Variants in GPC6 observed in about 807,000 individuals in gnomAD.
The protein encoded by GPC6 is glypican 6.
In GPC6, 14 loss-of-function variants were observed where a neutral mutation model predicts 55.2. That is an observed-to-expected ratio of 0.25 (90% CI 0.17 to 0.40). The LOEUF is 0.40. Among genes scored for constraint, GPC6 ranks in the 10% least tolerant of loss-of-function variants. GPC6 has a pLI of 1.00. For missense variants in GPC6, 641 were observed against 708.5 expected (o/e 0.90, Z 1.08); for synonymous variants, 278 against 259.6 (o/e 1.07, Z -0.68).
chr13:93,864,882 A>G (rs1242248621), intron 3 of GPC6, among the ~76,000 whole-genome samples: 1 of 151,740 alleles, frequency 6.6e-6, no homozygotes, highest in East Asian at 2.0e-4. Context: ...GTCACAAATG[A>G]TGCATATAGA....
chr13:94,242,104 T>C (rs113078135), intron 4 of GPC6, among the ~76,000 whole-genome samples: 3 of 151,872 alleles, frequency 2.0e-5, no homozygotes, highest in Non-Finnish European at 4.4e-5. Context: ...GTGTGTGATG[T>C]TCCCCTTCCT....
intron 2 of GPC6, among the ~76,000 whole-genome samples, chr13:93,589,040 A>G (rs1008566756): frequency 2.6e-5 from 4 of 152,102 alleles, no homozygotes; most frequent in Non-Finnish European, 5.9e-5. Flanking sequence ...AAAACCCTTA[A>G]AATACAAACT....
At chr13:93,587,052 G>C (rs568582128) in intron 2 of GPC6, among the ~76,000 whole-genome samples, 1 of 152,258 alleles carries the variant, frequency 6.6e-6, no homozygotes, top group African/African-American at 2.4e-5. Context: ...GTAGGAGGTT[G>C]CATGTACTTA....
At chr13:94,391,173 G>C (rs1880628378) in intron 7 of GPC6, among the ~76,000 whole-genome samples, 1 of 152,108 alleles carries the variant, frequency 6.6e-6, no homozygotes, top group Admixed American at 6.5e-5. Flanking sequence ...TCTCCAACTG[G>C]AAAAGAGCCA....
chr13:94,026,044 T>A (rs1882883348), intron 3 of GPC6, among the ~76,000 whole-genome samples: 1 of 152,208 alleles, frequency 6.6e-6, no homozygotes, highest in African/African-American at 2.4e-5. Context: ...TTGTACCATG[T>A]AGGAAATGTG....
chr13:93,399,061 G>GACAC (rs35212206), intron 1 of GPC6, among the ~76,000 whole-genome samples: 4,640 of 150,710 alleles, frequency 0.031, 140 homozygotes, highest in East Asian at 0.15. Flanking sequence ...CACACACACA[G>GACAC]ACACACACAC....
chr13:93,717,449 C>T lies in GPC6; in HGVS notation c.320-112705C>T, dbSNP rs557208721. Among the ~76,000 whole-genome samples, 12 of 151,554 alleles carry T rather than the reference C, an allele frequency of 7.9e-5. No individual in the cohort carries two copies. The South Asian group carries it at 2.5e-3, about 31-fold the overall frequency. On this transcript the variant is annotated intron_variant, in intron 2 of 8. Coordinates refer to ENST00000377047, the MANE Select transcript of GPC6 (RefSeq NM_005708.5). ...ATGACTTCACAGTGGGTAATCCTTA[C>T]TATTGAGTTTTCAAAAAGCAGGGGA...
At chr13:94,368,660 A>AG (rs1267117594) in intron 6 of GPC6, among the ~76,000 whole-genome samples, 1 of 152,094 alleles carries the variant, frequency 6.6e-6, no homozygotes, top group Non-Finnish European at 1.5e-5. Context: ...TCAGAAAAAA[A>AG]AAATATTCTA....
intron 1 of GPC6, among the ~76,000 whole-genome samples, chr13:93,453,874 T>C (rs1026285699): frequency 2.0e-5 from 3 of 152,046 alleles, no homozygotes; most frequent in Admixed American, 6.6e-5. Flanking sequence ...GCTTCCACAG[T>C]GTGGAAGGGG....
intron 2 of GPC6, among the ~76,000 whole-genome samples, chr13:93,731,472 G>C (rs1304363726): frequency 1.3e-5 from 2 of 152,116 alleles, no homozygotes; most frequent in African/African-American, 4.8e-5. Flanking sequence ...TAGCTTGGTG[G>C]TTCTATCTCC....
intron 1 of GPC6, among the ~76,000 whole-genome samples, chr13:93,497,868 G>A (rs572542047): frequency 6.6e-6 from 1 of 152,282 alleles, no homozygotes; most frequent in African/African-American, 2.4e-5. Flanking sequence ...CTGTCCTTGG[G>A]GAAATCTTGT....
At chr13:93,926,625 C>G (rs1209690809) in intron 3 of GPC6, among the ~76,000 whole-genome samples, 1 of 152,150 alleles carries the variant, frequency 6.6e-6, no homozygotes, top group African/African-American at 2.4e-5. Flanking sequence ...ACAAAGTAGT[C>G]TGGGTTTAAT....
intron 2 of GPC6, among the ~76,000 whole-genome samples, chr13:93,812,736 CTAA>C (rs1297510749): frequency 6.6e-6 from 1 of 152,162 alleles, no homozygotes; most frequent in Admixed American, 6.5e-5. Flanking sequence ...TCTTGAGAAA[CTAA>C]TAATAATTGG....
intron 5 of GPC6, among the ~76,000 whole-genome samples, chr13:94,288,615 G>A (rs772686640): frequency 4.7e-5 from 7 of 149,280 alleles, no homozygotes; most frequent in Non-Finnish European, 1.0e-4. Context: ...GAGTATACTT[G>A]TAGCTCCTCT....
chr13:93,857,521 C>T (rs1221326118), intron 3 of GPC6, among the ~76,000 whole-genome samples: 1 of 151,462 alleles, frequency 6.6e-6, no homozygotes, highest in Non-Finnish European at 1.5e-5. Context: ...TTGTCTTTAT[C>T]TCTGAATAAA....
chr13:94,403,246 A>C lies in GPC6; in HGVS notation c.*29A>C. The C allele has an allele frequency of 2.7e-6, 4 of 1,486,884 alleles. No individual in the cohort carries two copies. The highest frequency in any genetic ancestry group is 3.8e-6 in the Non-Finnish European group (4 of 1,066,410). 92.1% of individuals were successfully genotyped at this position (1,486,884 alleles called of 1,614,324 possible). On this transcript the variant is annotated 3_prime_UTR_variant, in exon 9 of 9. Coordinates refer to ENST00000377047, the MANE Select transcript of GPC6 (RefSeq NM_005708.5). ...TGGGTTTTTGGTCAGATGAAACTGC[A>C]TTTTAGCTATCTGAATGGCCAACTC...
chr13:93,640,633 G>A (rs979829495), intron 2 of GPC6, among the ~76,000 whole-genome samples: 4 of 151,896 alleles, frequency 2.6e-5, no homozygotes, highest in Non-Finnish European at 5.9e-5. Context: ...GGGGAGAAAA[G>A]ATAGAATAAA....
chr13:93,300,983 C>A (rs1878656563), intron 1 of GPC6, among the ~76,000 whole-genome samples: 1 of 151,972 alleles, frequency 6.6e-6, no homozygotes, highest in Non-Finnish European at 1.5e-5. Context: ...TGTGCCATTG[C>A]ACTCCGGCCT....
chr13:93,565,280 A>G lies in GPC6; in HGVS notation c.319+19859A>G, dbSNP rs868374222. Reference sequence around the variant, plus strand: ...TCGACTTCAATTATGTACCTGCTCCACCTCAGCAGGTGTTGGCCCCACTGC... The same window carrying G: ...TCGACTTCAATTATGTACCTGCTCCGCCTCAGCAGGTGTTGGCCCCACTGC... On this transcript the variant is annotated intron_variant, in intron 2 of 8. Transcript: ENST00000377047. Among the ~76,000 whole-genome samples the G allele has an allele frequency of 7.9e-5, 12 of 152,198 alleles. No individual in the cohort carries two copies. In the Middle Eastern group the frequency reaches 0.014, roughly 173 times the overall value.
Sources: gnomAD v4.1 joint callset for allele counts (sites outside exome capture counted in the v4.1 genomes callset) on GRCh38, gnomAD v4.1.1 for gene constraint, MANE v1.5 for transcripts, NCBI Gene and HGNC (gene_info 2026-07-23, HGNC 2026-07-21) for gene names.